The following PLEKHH3 variants were observed in gnomAD, a reference collection of about 807,000 sequenced individuals.
PLEKHH3 encodes the protein pleckstrin homology domain-containing family H member 3.
Under a neutral mutation model 77.8 loss-of-function variants are expected in PLEKHH3, and 57 were observed. The observed-to-expected ratio is 0.73, with a 90% CI of 0.59 to 0.91. The LOEUF (loss-of-function observed/expected upper bound fraction) is 0.91. Among genes scored for constraint, PLEKHH3 ranks in the 40% least tolerant of loss-of-function variants. PLEKHH3 has a pLI of 0.00. For missense variants in PLEKHH3, 1,082 were observed against 1,091.2 expected (o/e 0.99, Z 0.12); for synonymous variants, 467 against 504.8 (o/e 0.93, Z 1.00).
In PLEKHH3 at chr17:42,676,103, C is replaced by A. The variant is rs917472205; in HGVS notation, c.162+299G>T. 9.5e-6 allele frequency: 12 copies of A among 1,258,674 alleles called. No individual in the cohort carries two copies. Among genetic ancestry groups the A allele is most frequent in the Non-Finnish European group, 1.1e-5 (11 of 999,586 alleles). The allele number at this position is 1,258,674 out of a possible 1,614,324, so 78.0% of individuals were successfully genotyped here. ...GGAGGCGGAAGGAGACGGGATGGGA[C>A]GCGGGCCCAGCGGGGAAGGGAGAGG... On this transcript the variant is annotated intron_variant, in intron 1 of 12. Transcript: ENST00000591022. This position sits in a 1 kb window ranked among gnomAD's most constrained non-coding sequence, Gnocchi z 6.6.
Position 42,671,067 on chromosome 17 carries a change from C to T in PLEKHH3, c.1348G>A (p.Glu450Lys). Residue 450 changes from glutamate to lysine, a missense_variant, in exon 9 of 13, where the codon GAG (glutamate) becomes AAG (lysine). By Grantham distance (56) the Glu-to-Lys change is moderately conservative (BLOSUM62 1). Around this residue, in one of 3 missense-constraint regions of PLEKHH3, gnomAD observed 733 missense variants for 750.0 expected, o/e 0.98. Transcript: ENST00000591022. This position sits in a 1 kb window ranked among gnomAD's most constrained non-coding sequence, Gnocchi z 4.7. Reference protein sequence around the residue: ...ARSRNAFALYEQRGAQERALA... With the variant: ...ARSRNAFALYKQRGAQERALA... ...GCTCGCTCCTGGGCCCCTCGCTGCT[C>T]GTACAGCGCGAATGCGTTGCGGCTC... The T allele has an allele frequency of 6.2e-7, 1 of 1,609,310 alleles. No homozygotes were observed. The highest frequency in any genetic ancestry group is 1.3e-5 in the African/African-American group (1 of 74,880).
rs1162242062 is a variant in PLEKHH3, at chr17:42,674,211, C to T, written c.218+143G>A. On this transcript the variant is annotated intron_variant, in intron 2 of 12. Coordinates refer to ENST00000591022, the MANE Select transcript of PLEKHH3 (RefSeq NM_024927.5). ...TTTCTCCCCGCGCCCCCAGCCGGAC[C>T]GCCCCCCGGGACCCCAGCCAAACCA... 2.1e-5 allele frequency: 24 copies of T among 1,157,770 alleles called. No individual in the cohort carries two copies. The South Asian group carries it at 3.0e-4, about 15-fold the overall frequency. The allele number at this position is 1,157,770 out of a possible 1,614,324, so 71.7% of individuals were successfully genotyped here. A position where few individuals can be genotyped will look rare whatever the true frequency, so the allele number is the denominator to read the frequency against.
At position 42,669,940 on chromosome 17, in the gene PLEKHH3, T is replaced by C. The variant is rs1454971611; in HGVS notation, c.1991A>G (p.Tyr664Cys). Residue 664 changes from tyrosine (Y) to cysteine (C), a missense_variant, in exon 11 of 13, where the codon TAT becomes TGT. Physicochemically the swap from Tyr to Cys is radical, Grantham distance 194. Coordinates refer to ENST00000591022, the MANE Select transcript of PLEKHH3 (RefSeq NM_024927.5). Reference protein sequence around the residue: ...AQCPGFGAARYDVLELSTEPG... With the variant: ...AQCPGFGAARCDVLELSTEPG... The stretch of plus-strand genomic sequence containing the variant: ...CACCGTGCTCAGCTCCAGAACGTCA[T>C]ACCGAGCAGCGCCGAACCCCGGACA... The C allele has an allele frequency of 2.5e-6, 4 of 1,613,386 alleles. No homozygotes were observed. In the African/African-American group the frequency reaches 5.3e-5, roughly 22 times the overall value.
At chr17:42,670,870 T>TG in intron 9 of PLEKHH3, 124 bp downstream of exon 9, 2 of 1,532,912 alleles carry the variant, frequency 1.3e-6, no homozygotes, top group Non-Finnish European at 1.8e-6. Flanking sequence ...CAGGTCCGTC[T>TG]GTAAACCAGC....
In PLEKHH3 at chr17:42,670,184, A is replaced by C. The variant is rs2052657137; in HGVS notation, c.1747T>G (p.Ser583Ala). 8.3e-7 allele frequency: 1 copy of C among 1,204,342 alleles called. No homozygotes were observed. The highest frequency in any genetic ancestry group is 1.0e-6 in the Non-Finnish European group (1 of 974,410). 74.6% of individuals were successfully genotyped at this position (1,204,342 alleles called of 1,614,324 possible). A position where few individuals can be genotyped will look rare whatever the true frequency, so the allele number is the denominator to read the frequency against. ...AGCGCCCCGGCCAGCAGGGCAGCGG[A>C]AGGGGGCGGCCTGGGGGTCGGGCGG... ...PPRPTPRPPP[S>A]AALLAGALWS... Residue 583 changes from serine to alanine, a missense_variant, in exon 11 of 13, where the codon TCC becomes GCC. By Grantham distance (99) the Ser-to-Ala change is moderately conservative. Around this residue, in one of 3 missense-constraint regions of PLEKHH3, gnomAD observed 733 missense variants for 750.0 expected, o/e 0.98. Transcript: ENST00000591022.
Position 42,668,011 on chromosome 17 carries a change from G to T in PLEKHH3, c.*116C>A. ...ATTACCCACACCCATTGTAGCCCTT[G>T]GGTGTGGGATGTGCCCTGTCCCTGC... On this transcript the variant is annotated 3_prime_UTR_variant, in exon 13 of 13. Coordinates refer to ENST00000591022, the MANE Select transcript of PLEKHH3 (RefSeq NM_024927.5). 1.2e-6 allele frequency: 1 copy of T among 823,584 alleles called. No individual in the cohort carries two copies. Among genetic ancestry groups the T allele is most frequent in the Non-Finnish European group, 1.6e-6 (1 of 614,680 alleles). 51.0% of individuals were successfully genotyped at this position (823,584 alleles called of 1,614,324 possible).
Position 42,676,041 on chromosome 17 carries a change from C to G in PLEKHH3, c.162+361G>C, listed in dbSNP as rs1855818855. 2 of 1,119,944 alleles carry G rather than the reference C, an allele frequency of 1.8e-6. No individual in the cohort carries two copies. Among genetic ancestry groups the G allele is most frequent in the African/African-American group, 3.3e-5 (2 of 60,036 alleles). 69.4% of individuals were successfully genotyped at this position (1,119,944 alleles called of 1,614,324 possible). ...GCGGAGGGGGACCCAGGCGTTCGAGCCGCCCAGCCGGCCTCGCCACATTCC... is the reference window on the plus strand; with the variant it reads ...GCGGAGGGGGACCCAGGCGTTCGAGGCGCCCAGCCGGCCTCGCCACATTCC... On this transcript the variant is annotated intron_variant, in intron 1 of 12. Coordinates refer to ENST00000591022, the MANE Select transcript of PLEKHH3 (RefSeq NM_024927.5). This position sits in a 1 kb window ranked among gnomAD's most constrained non-coding sequence, Gnocchi z 6.6.
At chr17:42,672,471 G>A in intron 6 of PLEKHH3, 79 bp from the exon 7 acceptor site, 3 of 1,328,818 alleles carry the variant, frequency 2.3e-6, no homozygotes, top group Admixed American at 5.4e-5. Context: ...ATGAACCAGG[G>A]GAAGGTCAGA....
rs1325646839 is a variant in PLEKHH3 at position 42,671,490 on chromosome 17, C to T, written c.1145G>A (p.Arg382Gln). 3 of 1,613,080 alleles carry T rather than the reference C, an allele frequency of 1.9e-6. No homozygotes were observed. Among genetic ancestry groups the T allele is most frequent in the African/African-American group, 1.3e-5 (1 of 75,052 alleles). The change falls in exon 8 of 13, where the codon CGG becomes CAG. Residue 382 changes from arginine to glutamine, a missense_variant. Arg to Gln is a conservative substitution (Grantham distance 43). Around this residue, in one of 3 missense-constraint regions of PLEKHH3, gnomAD observed 733 missense variants for 750.0 expected, o/e 0.98. Transcript: ENST00000591022. This position sits in a 1 kb window ranked among gnomAD's most constrained non-coding sequence, Gnocchi z 4.7. ...YARFIRKALG[R>Q]TRGRELVPSL... ...GGGCACCAGCTCTCTGCCGCGCGTC[C>T]GGCCCAGCGCTTTCCGGATGAAGCG...
In PLEKHH3 at chr17:42,676,289, T is replaced by C; in HGVS notation, c.162+113A>G. The C allele has an allele frequency of 6.6e-7, 1 of 1,525,674 alleles. No homozygotes were observed. 94.5% of individuals were successfully genotyped at this position (1,525,674 alleles called of 1,614,324 possible). A position where few individuals can be genotyped will look rare whatever the true frequency, so the allele number is the denominator to read the frequency against. On this transcript the variant is annotated intron_variant, in intron 1 of 12. Coordinates refer to ENST00000591022, the MANE Select transcript of PLEKHH3 (RefSeq NM_024927.5). This position sits in a 1 kb window ranked among gnomAD's most constrained non-coding sequence, Gnocchi z 6.6. The stretch of plus-strand genomic sequence containing the variant: ...TGGCCCCCAGGCAAAAAACTCTCCC[T>C]CATCCCTAGTTCGCCAAGCGCGCAG...
intron 2 of PLEKHH3, 74 bp downstream of exon 2, chr17:42,674,280 G>C (rs1441222842): frequency 6.8e-7 from 1 of 1,474,240 alleles, no homozygotes; most frequent in African/African-American, 1.4e-5. Flanking sequence ...CAACCGCTAG[G>C]GGAGACAGAG....
Position 42,674,275 on chromosome 17 carries a change from G to A in PLEKHH3, c.218+79C>T. 5 of 1,458,874 alleles carry A rather than the reference G, an allele frequency of 3.4e-6. No homozygotes were observed. The South Asian group carries it at 5.4e-5, about 16-fold the overall frequency. The allele number at this position is 1,458,874 out of a possible 1,614,324, so 90.4% of individuals were successfully genotyped here. A position where few individuals can be genotyped will look rare whatever the true frequency, so the allele number is the denominator to read the frequency against. ...AGGGCCTCTCCCTTATTGCACAACC[G>A]CTAGGGGAGACAGAGAGGATGGGGG... On this transcript the variant is annotated intron_variant, in intron 2 of 12. Coordinates refer to ENST00000591022, the MANE Select transcript of PLEKHH3 (RefSeq NM_024927.5).
Position 42,671,648 on chromosome 17 carries a change from A to G in PLEKHH3, c.1077-90T>C. 7.4e-7 allele frequency: 1 copy of G among 1,356,060 alleles called. No homozygotes were observed. The highest frequency in any genetic ancestry group is 1.0e-6 in the Non-Finnish European group (1 of 1,000,916). 84.0% of individuals were successfully genotyped at this position (1,356,060 alleles called of 1,614,324 possible). A position where few individuals can be genotyped will look rare whatever the true frequency, so the allele number is the denominator to read the frequency against. Reference sequence around the variant, plus strand: ...GCTTCTCTTATAGTTTATTTTATCTAGCCGATTTCCTCCCCGCCCCAACTC... The same window carrying G: ...GCTTCTCTTATAGTTTATTTTATCTGGCCGATTTCCTCCCCGCCCCAACTC... On this transcript the variant is annotated intron_variant, in intron 7 of 12. Coordinates refer to ENST00000591022, the MANE Select transcript of PLEKHH3 (RefSeq NM_024927.5). This position sits in a 1 kb window ranked among gnomAD's most constrained non-coding sequence, Gnocchi z 4.7.
chr17:42,673,775 C>CT lies in PLEKHH3; in HGVS notation c.357dup (p.Ala120SerfsTer42). ...GAGTCCCGCGTGAGCACAAACCAGGCTCGGCGCGGGGGCAGCCAGGGCCGC... is the reference window on the plus strand; with the variant it reads ...GAGTCCCGCGTGAGCACAAACCAGGCTTCGGCGCGGGGGCAGCCAGGGCCGC... On this transcript the variant is annotated frameshift_variant, in exon 4 of 13. Coordinates refer to ENST00000591022, the MANE Select transcript of PLEKHH3 (RefSeq NM_024927.5). LOFTEE classifies it high-confidence loss of function. The CT allele has an allele frequency of 6.3e-7, 1 of 1,594,852 alleles. No individual in the cohort carries two copies. The highest frequency in any genetic ancestry group is 8.5e-7 in the Non-Finnish European group (1 of 1,176,980).
Position 42,672,402 on chromosome 17 carries a change from G to A in PLEKHH3, c.770-10C>T, listed in dbSNP as rs2052724204. 6 of 1,497,894 alleles carry A rather than the reference G, an allele frequency of 4.0e-6. No homozygotes were observed. The highest frequency in any genetic ancestry group is 2.5e-5 in the East Asian group (1 of 40,482). 92.8% of individuals were successfully genotyped at this position (1,497,894 alleles called of 1,614,324 possible). The stretch of plus-strand genomic sequence containing the variant: ...GGTGCATAGCCCGGACCTGTGGGAG[G>A]GTGGGGGCGGAGGGACGGTTTGGAG... On this transcript the variant is annotated splice_polypyrimidine_tract_variant and intron_variant, in intron 6 of 12. Transcript: ENST00000591022.
Position 42,672,261 on chromosome 17 carries a change from G to T in PLEKHH3, c.901C>A (p.Arg301=). 1 of 1,550,888 alleles carries T rather than the reference G, an allele frequency of 6.4e-7. No individual in the cohort carries two copies. The highest frequency in any genetic ancestry group is 8.7e-7 in the Non-Finnish European group (1 of 1,147,058). The change falls in exon 7 of 13, where the codon CGG becomes AGG. Residue 301 remains arginine, a synonymous_variant. Transcript: ENST00000591022. ...LQTCRDLPAL[R]DELFLQLAKQ... Reference sequence around the variant, plus strand: ...GCCAGCTGCAGGAAGAGTTCATCCCGGAGCGCGGGCAAGTCCCGGCAGGTT... The same window carrying T: ...GCCAGCTGCAGGAAGAGTTCATCCCTGAGCGCGGGCAAGTCCCGGCAGGTT...
At position 42,673,709 on chromosome 17, in the gene PLEKHH3, G is replaced by A. The variant is rs1217412486; in HGVS notation, c.424C>T (p.Leu142Phe). 1 of 1,601,478 alleles carries A rather than the reference G, an allele frequency of 6.2e-7. No homozygotes were observed. Among genetic ancestry groups the A allele is most frequent in the Admixed American group, 1.7e-5 (1 of 59,992 alleles). Residue 142 changes from leucine (L) to phenylalanine (F), a missense_variant, in exon 4 of 13, where the codon CTC becomes TTC. Transcript: ENST00000591022. ...AGGCTGGTGAGCACGAGGCTCCCGA[G>A]ACGCCGCGCCCCTTTCCCGCTGCTG... ...FSSSGKGARR[L>F]GSLVLTSLCS...
In PLEKHH3 at chr17:42,673,493, G is replaced by T; in HGVS notation, c.554C>A (p.Ala185Glu). 1 of 1,609,954 alleles carries T rather than the reference G, an allele frequency of 6.2e-7. No homozygotes were observed. The highest frequency in any genetic ancestry group is 8.5e-7 in the Non-Finnish European group (1 of 1,178,512). ...HSVRLCSPRQ[A>E]EAERWGVALR... Reference sequence around the variant, plus strand: ...TGCCACCCCCCAGCGCTCAGCCTCTGCCTGGCGTGGGGAGCAGAGGCGGAC... The same window carrying T: ...TGCCACCCCCCAGCGCTCAGCCTCTTCCTGGCGTGGGGAGCAGAGGCGGAC... Residue 185 changes from alanine to glutamate, a missense_variant, in exon 5 of 13, where the codon GCA (alanine) becomes GAA (glutamate). Transcript: ENST00000591022.
rs994562386 is a variant in PLEKHH3, at chr17:42,676,255, C to T, written c.162+147G>A. ...GTAGGGCTGCTGCTCCGAGAGCTCCCGGGGGCTTTGGCCCCCAGGCAAAAA... is the reference window on the plus strand; with the variant it reads ...GTAGGGCTGCTGCTCCGAGAGCTCCTGGGGGCTTTGGCCCCCAGGCAAAAA... On this transcript the variant is annotated intron_variant, in intron 1 of 12. Coordinates refer to ENST00000591022, the MANE Select transcript of PLEKHH3 (RefSeq NM_024927.5). The surrounding 1 kb of genome is among the most constrained non-coding windows in gnomAD (Gnocchi z 6.6). 49 of 1,421,784 alleles carry T rather than the reference C, an allele frequency of 3.4e-5. No homozygotes were observed. Among genetic ancestry groups the T allele is most frequent in the Non-Finnish European group, 4.4e-5 (47 of 1,077,346 alleles). 88.1% of individuals were successfully genotyped at this position (1,421,784 alleles called of 1,614,324 possible).
Sources: allele counts gnomAD v4.1 joint callset, GRCh38; gene constraint gnomAD v4.1.1; regional missense constraint gnomAD v4.1.1; non-coding constraint Gnocchi (gnomAD v3.1); transcripts MANE v1.5; gene names NCBI Gene and HGNC (gene_info 2026-07-23, HGNC 2026-07-21).